The following NELL1 variants were observed in gnomAD, a reference collection of about 807,000 sequenced individuals.
NELL1 encodes the protein neural EGFL like 1, also known as protein kinase C-binding protein NELL1.
NELL1 carries 76 observed loss-of-function variants against 107.4 expected under a neutral mutation model. That is an observed-to-expected ratio of 0.71 (90% CI 0.59 to 0.86). The LOEUF (loss-of-function observed/expected upper bound fraction) is 0.86. Among genes scored for constraint, NELL1 ranks in the 40% least tolerant of loss-of-function variants. The probability of loss-of-function intolerance (pLI) is 0.00; values close to 1 mark genes in which losing one functional copy is unlikely to be tolerated. For synonymous variants in NELL1, 353 were observed against 341.2 expected (o/e 1.03, Z -0.38); for missense variants, 1,024 against 1,005.5 (o/e 1.02, Z -0.25).
intron 3 of NELL1, among the ~76,000 whole-genome samples, chr11:20,784,487 G>A (rs1856914942): frequency 6.6e-6 from 1 of 152,140 alleles, no homozygotes; most frequent in African/African-American, 2.4e-5. Flanking sequence ...ACATGGGTAG[G>A]TAAGTCGTTG....
intron 15 of NELL1, among the ~76,000 whole-genome samples, chr11:21,447,514 C>T (rs951062278): frequency 2.6e-5 from 4 of 152,110 alleles, no homozygotes; most frequent in East Asian, 1.9e-4. Context: ...GGACTGGGTC[C>T]ACCTGGAATA....
intron 12 of NELL1, among the ~76,000 whole-genome samples, chr11:20,976,698 A>T (rs751987771): frequency 3.9e-5 from 6 of 152,172 alleles, no homozygotes; most frequent in Non-Finnish European, 8.8e-5. Context: ...ATGAAACTTA[A>T]TATCATTCCA....
At chr11:21,124,723 T>A (rs977622883) in intron 13 of NELL1, among the ~76,000 whole-genome samples, 4 of 151,964 alleles carry the variant, frequency 2.6e-5, no homozygotes, top group African/African-American at 9.7e-5. Context: ...TGCCTCAGCC[T>A]CCCAAGTAGC....
chr11:20,874,321 G>C (rs989636163), intron 4 of NELL1, among the ~76,000 whole-genome samples: 3 of 152,196 alleles, frequency 2.0e-5, no homozygotes, highest in African/African-American at 7.2e-5. Flanking sequence ...ACCCACCTCA[G>C]CCTCCCAAAG....
intron 15 of NELL1, among the ~76,000 whole-genome samples, chr11:21,492,869 C>T (rs1854864889): frequency 6.6e-6 from 1 of 151,788 alleles, no homozygotes. Flanking sequence ...ACATTGTGCA[C>T]ATGTACCCTA....
At chr11:20,937,355 G>A (rs1229554543) in intron 9 of NELL1, among the ~76,000 whole-genome samples, 2 of 152,190 alleles carry the variant, frequency 1.3e-5, no homozygotes, top group African/African-American at 2.4e-5. Context: ...AAGAAATGGT[G>A]TCCTTCTCCA....
chr11:21,337,744 CTTTCTT>C (rs1555006090), intron 14 of NELL1, among the ~76,000 whole-genome samples: 1 of 99,408 alleles, frequency 1.0e-5, no homozygotes, highest in Non-Finnish European at 1.9e-5. Flanking sequence ...TCCTTTCTTT[CTTTCTT>C]TCTTTCTTTC....
rs368923109 is a variant in NELL1 at position 20,672,985 on chromosome 11, C to T, written c.55+3207C>T. ...TCCTGCCTCAGCCCCCCCCCCCCCC[C>T]CCGAGTAGCTGGGATTACAGGCATG... On this transcript the variant is annotated intron_variant, in intron 1 of 19. Coordinates refer to ENST00000357134, the MANE Select transcript of NELL1 (RefSeq NM_006157.5). Among the ~76,000 whole-genome samples the T allele has an allele frequency of 3.2e-4, 37 of 115,934 alleles. 1 individual carries two copies. The highest frequency in any genetic ancestry group is 1.1e-3 in the African/African-American group (31 of 27,480). The allele number at this position is 115,934 out of a possible 152,430, so 76.1% of individuals were successfully genotyped here.
intron 5 of NELL1, among the ~76,000 whole-genome samples, chr11:20,892,017 AG>A (rs1849626704): frequency 6.6e-6 from 1 of 152,236 alleles, no homozygotes; most frequent in Admixed American, 6.5e-5. Context: ...AAGTGGACCT[AG>A]TAGATGTCTA....
intron 17 of NELL1, among the ~76,000 whole-genome samples, chr11:21,566,024 T>C (rs902460717): frequency 6.6e-6 from 1 of 151,976 alleles, no homozygotes; most frequent in African/African-American, 2.4e-5. Context: ...AGAGTCATGT[T>C]GTAAATATTT....
chr11:21,418,544 C>T (rs1342843155), intron 15 of NELL1, among the ~76,000 whole-genome samples: 1 of 152,030 alleles, frequency 6.6e-6, no homozygotes, highest in Non-Finnish European at 1.5e-5. Context: ...GTGTACTGAG[C>T]ACATATTAGC....
intron 15 of NELL1, among the ~76,000 whole-genome samples, chr11:21,438,987 C>A (rs932476910): frequency 1.3e-5 from 2 of 151,656 alleles, no homozygotes; most frequent in Admixed American, 1.3e-4. Flanking sequence ...AGGCAAGCCA[C>A]AATGGGTGAA....
intron 15 of NELL1, among the ~76,000 whole-genome samples, chr11:21,418,989 T>C (rs1235856233): frequency 6.6e-6 from 1 of 152,118 alleles, no homozygotes; most frequent in African/African-American, 2.4e-5. Flanking sequence ...TATCGATGCA[T>C]AATCACAAGA....
At chr11:21,326,313 G>T (rs1850141440) in intron 14 of NELL1, among the ~76,000 whole-genome samples, 1 of 150,348 alleles carries the variant, frequency 6.7e-6, no homozygotes. Context: ...TTTTCCAATG[G>T]TTGCTCAACG....
At chr11:20,923,220 G>T (rs1038260718) in intron 7 of NELL1, among the ~76,000 whole-genome samples, 5 of 152,070 alleles carry the variant, frequency 3.3e-5, no homozygotes, top group Non-Finnish European at 7.4e-5. Context: ...GAACCAAACA[G>T]ATGTAGATAC....
intron 12 of NELL1, among the ~76,000 whole-genome samples, chr11:20,965,768 G>C (rs1851375733): frequency 6.6e-6 from 1 of 152,118 alleles, no homozygotes; most frequent in Non-Finnish European, 1.5e-5. Flanking sequence ...CCTTAGAATG[G>C]TAAGAGGCTG....
At chr11:21,569,002 G>A (rs1857035892) in intron 17 of NELL1, among the ~76,000 whole-genome samples, 1 of 151,576 alleles carries the variant, frequency 6.6e-6, no homozygotes, top group Admixed American at 6.6e-5. Context: ...ATGACTGTAG[G>A]TGTATATTTT....
At chr11:20,874,021 T>G (rs2134091601) in intron 4 of NELL1, among the ~76,000 whole-genome samples, 1 of 152,272 alleles carries the variant, frequency 6.6e-6, no homozygotes, top group East Asian at 1.9e-4. Context: ...CTCCTTGGCC[T>G]CCCAAAGTGC....
chr11:21,515,474 A>G (rs11026122), intron 15 of NELL1, among the ~76,000 whole-genome samples: 45,475 of 151,932 alleles, frequency 0.3, 7,494 homozygotes, highest in African/African-American at 0.44. Context: ...ATCCCCCAGT[A>G]CCTGAATACC....
Sources: allele counts gnomAD v4.1 joint callset (sites outside exome capture counted in the v4.1 genomes callset), GRCh38; gene constraint gnomAD v4.1.1; transcripts MANE v1.5; gene names NCBI Gene and HGNC (gene_info 2026-07-23, HGNC 2026-07-21).